The following ZNF880 variants were observed in gnomAD, a reference collection of about 807,000 sequenced individuals.
The protein encoded by ZNF880 is zinc finger protein 880, also known as zinc finger protein LOC400713.
In ZNF880, 12 loss-of-function variants were observed where a neutral mutation model predicts 11.8. The ratio of observed to expected loss-of-function variants is 1.02; its 90% confidence interval spans 0.65 to 1.65. ZNF880 has a LOEUF of 1.65. ZNF880 is among the 40% of genes most tolerant of loss of function. The pLI is 0.00. For missense variants in ZNF880, 601 were observed against 673.9 expected, an observed-to-expected ratio of 0.89 and a Z score of 1.20; for synonymous variants, 210 against 232.4, an observed-to-expected ratio of 0.90 and a Z score of 0.88.
At chr19:52,371,676 T>G (rs1007648275) in intron 1 of ZNF880, among the ~76,000 whole-genome samples, 29 of 152,008 alleles carry the variant, frequency 1.9e-4, no homozygotes, top group African/African-American at 7.0e-4. Context: ...ACGCCTGGCC[T>G]AATTCTTAAA....
At chr19:52,370,901 T>G (rs1195829710) in intron 1 of ZNF880, among the ~76,000 whole-genome samples, 2 of 152,204 alleles carry the variant, frequency 1.3e-5, no homozygotes, top group African/African-American at 4.8e-5. Context: ...AATAAGCCAC[T>G]GCACTGCAAC....
Position 52,384,145 on chromosome 19 carries a change from C to G in ZNF880, c.565C>G (p.His189Asp), listed in dbSNP as rs760266106. Residue 189 changes from histidine (H) to aspartate (D), a missense_variant, in exon 4 of 4, where the codon CAT (histidine) becomes GAT (aspartate). Transcript: ENST00000422689. ...GGAAAAACCGTGTGAATGTAATGAG[C>G]ATGGCAAAGCCTTTAGAGTGTCTTC... ...IREKPCECNE[H>D]GKAFRVSSRL... The G allele has an allele frequency of 5.6e-6, 9 of 1,605,640 alleles. No individual in the cohort carries two copies. In the South Asian group the frequency reaches 1.0e-4, roughly 18 times the overall value.
At chr19:52,385,859 A>T (rs1399245576), downstream of ZNF880, 1 of 147,060 alleles carries the variant, frequency 6.8e-6, no homozygotes, top group Non-Finnish European at 1.5e-5. Context: ...ACTTCTTTAC[A>T]GACCTTTCAC....
Position 52,384,141 on chromosome 19 carries a change from T to G in ZNF880, c.561T>G (p.Asn187Lys), listed in dbSNP as rs371078972. The G allele has an allele frequency of 2.1e-4, 342 of 1,605,294 alleles. 1 individual carries two copies. The highest frequency in any genetic ancestry group is 2.4e-4 in the Non-Finnish European group (277 of 1,175,458). Residue 187 changes from asparagine (N) to lysine (K), a missense_variant, in exon 4 of 4, where the codon AAT becomes AAG. Asn to Lys is a moderately conservative substitution (Grantham distance 94). This residue lies in a region of ZNF880 where 420 missense variants were observed against 442.6 expected (regional missense o/e 0.95). Transcript: ENST00000422689. ...TAAGGGAAAAACCGTGTGAATGTAA[T>G]GAGCATGGCAAAGCCTTTAGAGTGT... Reference protein sequence around the residue: ...AQIREKPCECNEHGKAFRVSS... With the variant: ...AQIREKPCECKEHGKAFRVSS...
upstream of ZNF880, among the ~76,000 whole-genome samples, chr19:52,367,957 T>TTGGGAGGC (rs1986191982): frequency 6.6e-6 from 1 of 151,936 alleles, no homozygotes. Flanking sequence ...TCTCAGCACT[T>TTGGGAGGC]TGGGAGGCTG....
At chr19:52,396,177 C>A in the ZNF880 span, 1 of 138,214 alleles carries the variant, frequency 7.2e-6, no homozygotes. Flanking sequence ...ACCATGTTAA[C>A]CAGGCTGGTC....
chr19:52,375,158 GTTT>G lies in ZNF880; in HGVS notation c.268+741_268+743del, dbSNP rs58352737. 3.5e-5 allele frequency among the ~76,000 whole-genome samples: 5 copies of G among 143,000 alleles called. No individual in the cohort carries two copies. The Admixed American group carries it at 3.5e-4, about 10-fold the overall frequency. 93.8% of individuals were successfully genotyped at this position (143,000 alleles called of 152,430 possible). Reference sequence around the variant, plus strand: ...CACTGTGTTACCCAAACTAGTATTGGTTTTTTTTTTTTAATTTTTAATTTATTT... The same window carrying G: ...CACTGTGTTACCCAAACTAGTATTGGTTTTTTTTTAATTTTTAATTTATTT... On this transcript the variant is annotated intron_variant, in intron 3 of 3. Coordinates refer to ENST00000422689, the MANE Select transcript of ZNF880 (RefSeq NM_001145434.2).
At chr19:52,393,067 GTTT>G in the ZNF880 span, among the ~76,000 whole-genome samples, 1 of 141,742 alleles carries the variant, frequency 7.1e-6, no homozygotes. Context: ...AATCCTGTTA[GTTT>G]TTTTTTTTTT....
chr19:52,376,831 ATTGT>A (rs374437128), intron 3 of ZNF880, among the ~76,000 whole-genome samples: 20 of 151,722 alleles, frequency 1.3e-4, no homozygotes, highest in African/African-American at 4.6e-4. Context: ...TTTTGATAGG[ATTGT>A]TTGTTTTTTT....
the ZNF880 span, among the ~76,000 whole-genome samples, chr19:52,394,361 C>G: frequency 6.6e-6 from 1 of 151,936 alleles, no homozygotes; most frequent in East Asian, 1.9e-4. Flanking sequence ...TCAGCTTCCC[C>G]AGTAGCTGGC....
the ZNF880 span, among the ~76,000 whole-genome samples, chr19:52,392,493 A>C: frequency 6.6e-6 from 1 of 152,122 alleles, no homozygotes; most frequent in Non-Finnish European, 1.5e-5. Flanking sequence ...TAGAGACAGC[A>C]TATTGCCACG....
chr19:52,385,359 G>A lies in ZNF880; in HGVS notation c.*45G>A. 6.5e-7 allele frequency: 1 copy of A among 1,527,266 alleles called. No individual in the cohort carries two copies. The highest frequency in any genetic ancestry group is 8.8e-7 in the Non-Finnish European group (1 of 1,130,290). The allele number at this position is 1,527,266 out of a possible 1,614,324, so 94.6% of individuals were successfully genotyped here. On this transcript the variant is annotated 3_prime_UTR_variant, in exon 4 of 4. Transcript: ENST00000422689. The stretch of plus-strand genomic sequence containing the variant: ...TTAGTAATAATTCACACCTTGCACA[G>A]CATGAGATAATTCATTCATGAGAGA...
chr19:52,368,224 T>A (rs2657942), upstream of ZNF880, among the ~76,000 whole-genome samples: 91,155 of 128,718 alleles, frequency 0.71, 29,640 homozygotes, highest in Middle Eastern at 0.76. Flanking sequence ...AAAATAATAA[T>A]AATACTGTAA....
At chr19:52,394,053 A>C in the ZNF880 span, among the ~76,000 whole-genome samples, 45 of 151,496 alleles carry the variant, frequency 3.0e-4, no homozygotes, top group East Asian at 2.6e-3. Context: ...GTTAGCCAGG[A>C]TAGTCTCGAT....
Position 52,385,179 on chromosome 19 carries a change from A to G in ZNF880, c.1599A>G (p.Leu533=). The change falls in exon 4 of 4, where the codon TTA becomes TTG. Residue 533 remains leucine (L), a synonymous_variant. Transcript: ENST00000422689. Reference sequence around the variant, plus strand: ...GTGGCAAGGTCTTCAGCCACAAGTTATACCTAAAAAAACATGAGAGAATTC... The same window carrying G: ...GTGGCAAGGTCTTCAGCCACAAGTTGTACCTAAAAAAACATGAGAGAATTC... The part of the protein sequence containing the change: ...NECGKVFSHK[L]YLKKHERIHT... The G allele has an allele frequency of 6.4e-7, 1 of 1,553,452 alleles. No individual in the cohort carries two copies. The highest frequency in any genetic ancestry group is 1.4e-5 in the African/African-American group (1 of 73,192).
At chr19:52,368,217 ATAAT>A (rs370117939), upstream of ZNF880, among the ~76,000 whole-genome samples, 66,637 of 141,674 alleles carry the variant, frequency 0.47, 16,756 homozygotes, top group Middle Eastern at 0.57. Flanking sequence ...AAAAAAAAAA[ATAAT>A]AATAATACTG....
At chr19:52,370,303 C>T in intron 1 of ZNF880, 1 of 368,196 alleles carries the variant, frequency 2.7e-6, no homozygotes. Context: ...CACGTCTTTC[C>T]GGTCCCCCAA....
In ZNF880 at chr19:52,384,488, AG is replaced by A. The variant is rs1457556881; in HGVS notation, c.910del (p.Val304SerfsTer41). On this transcript the variant is annotated frameshift_variant, in exon 4 of 4. Coordinates refer to ENST00000422689, the MANE Select transcript of ZNF880 (RefSeq NM_001145434.2). LOFTEE classifies it low-confidence loss of function (END_TRUNC). Reference protein sequence around the residue: ...EKPYKCNECGKVFNRNAHLAR... With the variant: ...EKPYKCNECGXVFNRNAHLAR... The stretch of plus-strand genomic sequence containing the variant: ...CCTTACAAATGTAATGAGTGTGGCA[AG>A]GTCTTCAACAGAAATGCACACCTTG... 1.2e-6 allele frequency: 2 copies of A among 1,614,064 alleles called. No homozygotes were observed. The highest frequency in any genetic ancestry group is 2.7e-5 in the African/African-American group (2 of 74,930).
chr19:52,396,198 G>A, the ZNF880 span: 7 of 142,946 alleles, frequency 4.9e-5, no homozygotes, highest in Admixed American at 1.5e-4. Flanking sequence ...TCTAATTCCC[G>A]ACCTCAGGTG....
Sources: gnomAD v4.1 joint callset for allele counts (sites outside exome capture counted in the v4.1 genomes callset) on GRCh38, gnomAD v4.1.1 for gene constraint, gnomAD v4.1.1 regional missense constraint, MANE v1.5 for transcripts, NCBI Gene and HGNC (gene_info 2026-07-23, HGNC 2026-07-21) for gene names.